The following ADAM22 variants were observed in gnomAD, a reference collection of about 807,000 sequenced individuals.
ADAM22 encodes ADAM metallopeptidase domain 22.
In ADAM22, 65 loss-of-function variants were observed where a neutral mutation model predicts 144.6. The ratio of observed to expected loss-of-function variants is 0.45; its 90% confidence interval spans 0.37 to 0.55. The LOEUF (loss-of-function observed/expected upper bound fraction) is 0.55, where lower values mean the gene tolerates loss of function less well. Ranked by LOEUF, ADAM22 falls within the 20% of genes least tolerant of loss-of-function variation. The pLI, the probability that ADAM22 is intolerant of heterozygous loss-of-function variation, is 0.00. For missense variants in ADAM22, 974 were observed against 1,184.9 expected (o/e 0.82, Z 2.61); for synonymous variants, 391 against 412.6 (o/e 0.95, Z 0.63).
At chr7:88,068,643 T>C (rs1811916391) in intron 3 of ADAM22, among the ~76,000 whole-genome samples, 1 of 152,212 alleles carries the variant, frequency 6.6e-6, no homozygotes, top group Non-Finnish European at 1.5e-5. Flanking sequence ...TGCACAATTC[T>C]GTAGGTCAAC....
intron 17 of ADAM22, among the ~76,000 whole-genome samples, chr7:88,147,643 A>G (rs1673513766): frequency 6.6e-6 from 1 of 152,210 alleles, no homozygotes; most frequent in Admixed American, 6.5e-5. Context: ...TTCTCCCATT[A>G]TAATACAAGG....
chr7:88,192,073 C>T (rs1223779642), intron 30 of ADAM22, among the ~76,000 whole-genome samples: 1 of 152,140 alleles, frequency 6.6e-6, no homozygotes. Flanking sequence ...AGATCTTGAC[C>T]TACCTAGTGC....
At chr7:88,009,832 G>A (rs1794953361) in intron 3 of ADAM22, among the ~76,000 whole-genome samples, 1 of 152,146 alleles carries the variant, frequency 6.6e-6, no homozygotes, top group African/African-American at 2.4e-5. Context: ...CCTGCACCTT[G>A]TTTTGTTGAT....
At chr7:87,994,072 A>G (rs1790516961) in intron 3 of ADAM22, among the ~76,000 whole-genome samples, 1 of 152,216 alleles carries the variant, frequency 6.6e-6, no homozygotes, top group Non-Finnish European at 1.5e-5. Flanking sequence ...TGATATAAAG[A>G]ATACACTAAA....
At chr7:88,034,479 G>T (rs1395994732) in intron 3 of ADAM22, among the ~76,000 whole-genome samples, 1 of 151,844 alleles carries the variant, frequency 6.6e-6, no homozygotes, top group Non-Finnish European at 1.5e-5. Flanking sequence ...GTCTTTTTTG[G>T]AGCTGCAAGC....
chr7:88,146,180 C>T (rs540038581), intron 17 of ADAM22, among the ~76,000 whole-genome samples: 73 of 152,276 alleles, frequency 4.8e-4, no homozygotes, highest in African/African-American at 1.7e-3. Flanking sequence ...TAATAGTCTA[C>T]GTTATTTCTA....
At chr7:88,041,497 C>CT (rs1448667223) in intron 3 of ADAM22, among the ~76,000 whole-genome samples, 1 of 151,840 alleles carries the variant, frequency 6.6e-6, no homozygotes, top group Non-Finnish European at 1.5e-5. Context: ...ATATACTCAT[C>CT]TATATCTATA....
intron 17 of ADAM22, 74 bp from the exon 18 acceptor site, chr7:88,148,903 T>C (rs1001193509): frequency 8.7e-7 from 1 of 1,155,038 alleles, no homozygotes; most frequent in African/African-American, 1.6e-5. Flanking sequence ...ATTTTCATTT[T>C]GTTTTTTTTA....
intron 4 of ADAM22, among the ~76,000 whole-genome samples, chr7:88,099,276 A>T (rs1482000281): frequency 6.6e-6 from 1 of 152,192 alleles, no homozygotes; most frequent in Non-Finnish European, 1.5e-5. Flanking sequence ...AGAAGACAGG[A>T]AACTCCTGGG....
chr7:88,129,552 A>G (rs1831249165), intron 9 of ADAM22, among the ~76,000 whole-genome samples: 1 of 152,094 alleles, frequency 6.6e-6, no homozygotes, highest in South Asian at 2.1e-4. Flanking sequence ...CTTTCCACCT[A>G]TTTGAATCCA....
chr7:88,154,747 A>G (rs372005111), intron 21 of ADAM22, among the ~76,000 whole-genome samples: 3 of 152,268 alleles, frequency 2.0e-5, no homozygotes, highest in South Asian at 4.1e-4. Flanking sequence ...TTGAGAAAGC[A>G]TTTTTGTTTA....
intron 27 of ADAM22, among the ~76,000 whole-genome samples, chr7:88,180,557 T>C (rs1019839950): frequency 6.6e-6 from 1 of 152,048 alleles, no homozygotes. Flanking sequence ...TATTATTCCA[T>C]TAACCAGATT....
At chr7:87,934,662 T>A (rs1840747083) in intron 1 of ADAM22, 112 bp downstream of exon 1, 18 of 86,230 alleles carry the variant, frequency 2.1e-4, no homozygotes, top group East Asian at 5.2e-4. Context: ...GCGGGGAGAT[T>A]TTTTTTTTTT....
At chr7:87,992,260 T>C (rs1168488320) in intron 3 of ADAM22, among the ~76,000 whole-genome samples, 1 of 152,096 alleles carries the variant, frequency 6.6e-6, no homozygotes, top group East Asian at 1.9e-4. Flanking sequence ...TATAGCGATA[T>C]GAAAGTGCCC....
intron 3 of ADAM22, among the ~76,000 whole-genome samples, chr7:88,001,079 T>G (rs1205700874): frequency 6.6e-6 from 1 of 152,224 alleles, no homozygotes; most frequent in East Asian, 1.9e-4. Context: ...TCCCAAAAAG[T>G]TACCTCATAC....
intron 3 of ADAM22, among the ~76,000 whole-genome samples, chr7:87,985,449 A>G (rs1562923550): frequency 6.6e-6 from 1 of 152,196 alleles, no homozygotes; most frequent in Non-Finnish European, 1.5e-5. Context: ...TCATTTTTCA[A>G]CAAGATTGTT....
intron 7 of ADAM22, among the ~76,000 whole-genome samples, chr7:88,120,329 T>TAC (rs1828967566): frequency 6.6e-6 from 1 of 151,746 alleles, no homozygotes; most frequent in Admixed American, 6.6e-5. Context: ...CCTCCCCCCT[T>TAC]CCCCCACCCC....
At chr7:87,979,953 C>T (rs920842811) in intron 3 of ADAM22, among the ~76,000 whole-genome samples, 5 of 152,152 alleles carry the variant, frequency 3.3e-5, no homozygotes, top group Non-Finnish European at 5.9e-5. Context: ...GTGTTTTCTG[C>T]TTCCTGACAT....
intron 3 of ADAM22, among the ~76,000 whole-genome samples, chr7:88,060,557 T>C (rs928875968): frequency 5.5e-5 from 8 of 146,150 alleles, no homozygotes; most frequent in African/African-American, 2.0e-4. Flanking sequence ...GATTACGAGG[T>C]TAGGAGATCG....
Sources: gnomAD v4.1 joint callset for allele counts (sites outside exome capture counted in the v4.1 genomes callset) on GRCh38, gnomAD v4.1.1 for gene constraint, MANE v1.5 for transcripts, NCBI Gene and HGNC (gene_info 2026-07-23, HGNC 2026-07-21) for gene names.